UNC79: variants seen among roughly 807,000 people sequenced by gnomAD.
UNC79 encodes unc-79 subunit of NALCN channel complex, also known as protein unc-79 homolog.
Under a neutral mutation model 283.1 loss-of-function variants are expected in UNC79, and 37 were observed. The observed-to-expected ratio is 0.13, with a 90% CI of 0.10 to 0.17. UNC79 has a LOEUF of 0.17. UNC79 is among the 10% of genes least tolerant of loss of function. The pLI is 1.00. For missense variants in UNC79, 2,272 were observed against 3,211.1 expected, an observed-to-expected ratio of 0.71 and a Z score of 7.07; for synonymous variants, 1,107 against 1,200.2, an observed-to-expected ratio of 0.92 and a Z score of 1.61.
intron 7 of UNC79, among the ~76,000 whole-genome samples, chr14:93,520,321 G>A (rs2060264380): frequency 6.6e-6 from 1 of 151,220 alleles, no homozygotes; most frequent in East Asian, 1.9e-4. Context: ...TTCCCTCCTG[G>A]CTATTTTTAA....
At chr14:93,576,200 G>T (rs1295553886) in intron 17 of UNC79, among the ~76,000 whole-genome samples, 2 of 152,184 alleles carry the variant, frequency 1.3e-5, no homozygotes, top group Non-Finnish European at 2.9e-5. Flanking sequence ...GTTCAGTGAA[G>T]TGAAGTGATT....
intron 14 of UNC79, among the ~76,000 whole-genome samples, chr14:93,550,587 T>C (rs930640569): frequency 1.3e-5 from 2 of 151,466 alleles, no homozygotes; most frequent in African/African-American, 4.9e-5. Flanking sequence ...TACTACATTT[T>C]ACAAAATAAT....
chr14:93,537,908 T>C (rs2061167470), intron 11 of UNC79, 81 bp from the exon 12 acceptor site: 1 of 1,413,962 alleles, frequency 7.1e-7, no homozygotes, highest in Non-Finnish European at 9.5e-7. Context: ...GAGTGGCCCC[T>C]TAAGTTTTCA....
At chr14:93,605,221 GA>G (rs1249167625) in intron 26 of UNC79, among the ~76,000 whole-genome samples, 1 of 152,040 alleles carries the variant, frequency 6.6e-6, no homozygotes, top group African/African-American at 2.4e-5. Context: ...CCTTTCCCCA[GA>G]GAGCCAGTAT....
intron 7 of UNC79, among the ~76,000 whole-genome samples, chr14:93,517,373 G>T (rs1462455750): frequency 8.2e-6 from 1 of 121,972 alleles, no homozygotes; most frequent in Non-Finnish European, 1.6e-5. Context: ...TTGAATAGAA[G>T]TACTGAGAGT....
intron 1 of UNC79, among the ~76,000 whole-genome samples, chr14:93,337,342 A>G (rs1167413937): frequency 6.6e-6 from 1 of 152,200 alleles, no homozygotes; most frequent in Non-Finnish European, 1.5e-5. Flanking sequence ...CCAGTTGTCC[A>G]TGTAACTTAT....
At chr14:93,662,293 C>A (rs185594250) in intron 39 of UNC79, among the ~76,000 whole-genome samples, 5 of 152,056 alleles carry the variant, frequency 3.3e-5, no homozygotes, top group Non-Finnish European at 5.9e-5. Flanking sequence ...CACTGCAAAC[C>A]CCACACTCTT....
At chr14:93,660,559 ATATATG>A (rs1317562218) in intron 39 of UNC79, among the ~76,000 whole-genome samples, 8 of 86,812 alleles carry the variant, frequency 9.2e-5, no homozygotes, top group Admixed American at 2.2e-4. Flanking sequence ...ATATATATAT[ATATATG>A]TGTGTGTGTG....
At chr14:93,707,008 A>G, downstream of UNC79, 1 of 1,343,262 alleles carries the variant, frequency 7.4e-7, no homozygotes, top group Non-Finnish European at 1.0e-6. Context: ...GGTACTGTAC[A>G]TTCTCTTTCT....
intron 1 of UNC79, among the ~76,000 whole-genome samples, chr14:93,417,867 C>T (rs1448682823): frequency 6.6e-6 from 1 of 151,840 alleles, no homozygotes; most frequent in Non-Finnish European, 1.5e-5. Flanking sequence ...TGGCTTTCAG[C>T]TCCATGAGCT....
intron 14 of UNC79, among the ~76,000 whole-genome samples, chr14:93,563,123 T>C (rs1296783089): frequency 6.6e-6 from 1 of 152,192 alleles, no homozygotes; most frequent in South Asian, 2.1e-4. Context: ...ATATTTTCCT[T>C]GGTCTAAGAA....
chr14:93,470,028 A>G (rs1207183721), intron 2 of UNC79, among the ~76,000 whole-genome samples: 3 of 152,200 alleles, frequency 2.0e-5, no homozygotes, highest in Non-Finnish European at 4.4e-5. Context: ...TAAAGCATTT[A>G]ATATGATCTT....
At chr14:93,443,802 T>C (rs551668022) in intron 1 of UNC79, among the ~76,000 whole-genome samples, 1 of 152,332 alleles carries the variant, frequency 6.6e-6, no homozygotes, top group South Asian at 2.1e-4. Flanking sequence ...TTGTTTGTTT[T>C]TATTGCTCTA....
chr14:93,451,779 G>A (rs896512222), intron 1 of UNC79, among the ~76,000 whole-genome samples: 1 of 152,156 alleles, frequency 6.6e-6, no homozygotes, highest in Non-Finnish European at 1.5e-5. Context: ...AGCCTGAAAT[G>A]CACACTAGTT....
intron 7 of UNC79, among the ~76,000 whole-genome samples, chr14:93,506,170 C>T (rs937751529): frequency 1.3e-5 from 2 of 151,194 alleles, no homozygotes; most frequent in Admixed American, 1.3e-4. Flanking sequence ...TAGTGTTTGT[C>T]TGAAAATGTT....
chr14:93,374,185 G>T (rs951137773), intron 1 of UNC79, among the ~76,000 whole-genome samples: 2 of 152,090 alleles, frequency 1.3e-5, no homozygotes, highest in Non-Finnish European at 2.9e-5. Flanking sequence ...GTGGAAGCAG[G>T]ACCGCTTCCA....
chr14:93,634,071 C>T (rs1331208944), intron 31 of UNC79, among the ~76,000 whole-genome samples: 1 of 152,024 alleles, frequency 6.6e-6, no homozygotes, highest in African/African-American at 2.4e-5. Flanking sequence ...AATATACACG[C>T]ACACACACAC....
chr14:93,408,297 G>A (rs1407266615), intron 1 of UNC79, among the ~76,000 whole-genome samples: 2 of 152,168 alleles, frequency 1.3e-5, no homozygotes. Context: ...GCTAGAAGTA[G>A]AAAACACTAA....
At chr14:93,481,004 G>T (rs368243543) in intron 4 of UNC79, among the ~76,000 whole-genome samples, 44 of 152,266 alleles carry the variant, frequency 2.9e-4, no homozygotes, top group African/African-American at 1.1e-3. Context: ...ATAAAGTTCT[G>T]ATCTTTGAAG....
Sources: allele counts gnomAD v4.1 joint callset (sites outside exome capture counted in the v4.1 genomes callset), GRCh38; gene constraint gnomAD v4.1.1; transcripts MANE v1.5; gene names NCBI Gene and HGNC (gene_info 2026-07-23, HGNC 2026-07-21).